Variants in ZNF148 observed in about 807,000 individuals in gnomAD.
ZNF148 encodes the protein zinc finger protein 148, also known as Beta-Enolase Repressor Factor-1.
In ZNF148, 7 loss-of-function variants were observed where a neutral mutation model predicts 67.7. The ratio of observed to expected loss-of-function variants is 0.10; its 90% CI spans 0.06 to 0.19. The LOEUF (loss-of-function observed/expected upper bound fraction) is 0.19. Among genes scored for constraint, ZNF148 ranks in the 10% least tolerant of loss-of-function variants. The probability of loss-of-function intolerance (pLI) is 1.00; values close to 1 mark genes in which losing one functional copy is unlikely to be tolerated. For missense variants in ZNF148, 583 were observed against 947.1 expected (o/e 0.62, Z 5.05); for synonymous variants, 333 against 330.7 (o/e 1.01, Z -0.08).
chr3:125,309,777 G>A (rs1228580525), intron 4 of ZNF148, among the ~76,000 whole-genome samples: 1 of 152,204 alleles, frequency 6.6e-6, no homozygotes, highest in African/African-American at 2.4e-5. Context: ...TGGAGAAGGC[G>A]CAGGCTACTG....
chr3:125,355,834 A>G (rs535432784), intron 1 of ZNF148, among the ~76,000 whole-genome samples: 1 of 152,328 alleles, frequency 6.6e-6, no homozygotes. Context: ...ATGTAGTAAC[A>G]ATGAGAATAA....
intron 4 of ZNF148, among the ~76,000 whole-genome samples, chr3:125,299,014 G>T (rs1939443535): frequency 2.0e-5 from 3 of 152,184 alleles, no homozygotes; most frequent in South Asian, 2.1e-4. Context: ...TTCCAGAAAG[G>T]TATCAATATT....
At chr3:125,326,659 CTA>C (rs554280532) in intron 2 of ZNF148, among the ~76,000 whole-genome samples, 1 of 145,714 alleles carries the variant, frequency 6.9e-6, no homozygotes, top group Non-Finnish European at 1.5e-5. Context: ...TGAAATGACA[CTA>C]TATATATGAG....
intron 7 of ZNF148, among the ~76,000 whole-genome samples, chr3:125,252,042 C>G (rs560831319): frequency 6.6e-6 from 1 of 152,178 alleles, no homozygotes; most frequent in African/African-American, 2.4e-5. Context: ...GTTAATGAAG[C>G]TGAATACCTT....
chr3:125,256,290 C>T (rs1032775916), intron 7 of ZNF148, among the ~76,000 whole-genome samples: 1 of 150,806 alleles, frequency 6.6e-6, no homozygotes, highest in African/African-American at 2.4e-5. Flanking sequence ...ATGGCGTGAA[C>T]CCAGGAGGTG....
chr3:125,236,052 A>G (rs1936074354), intron 7 of ZNF148, among the ~76,000 whole-genome samples: 1 of 151,826 alleles, frequency 6.6e-6, no homozygotes, highest in Non-Finnish European at 1.5e-5. Flanking sequence ...ATACATATGT[A>G]ACAAACCTGC....
chr3:125,250,087 G>T lies in ZNF148; in HGVS notation c.668-15758C>A, dbSNP rs117458999. Among the ~76,000 whole-genome samples, 112 of 152,274 alleles carry T rather than the reference G, an allele frequency of 7.4e-4. No homozygotes were observed. In the East Asian group the frequency reaches 0.02, roughly 28 times the overall value. ...AGTTGTAAGATGAGTTAGTTCTGGA[G>T]ATATATAGCATGGGACCTATAGTTA... is the stretch of plus-strand genomic sequence containing the variant. On this transcript the variant is annotated intron_variant, in intron 7 of 8. Coordinates refer to ENST00000360647, the MANE Select transcript of ZNF148 (RefSeq NM_021964.3).
At chr3:125,347,687 C>A (rs754970226) in intron 1 of ZNF148, among the ~76,000 whole-genome samples, 1 of 152,006 alleles carries the variant, frequency 6.6e-6, no homozygotes, top group Non-Finnish European at 1.5e-5. Flanking sequence ...CCTGCCTCAG[C>A]CTCCTAATTT....
rs184938787 is a variant in ZNF148 at position 125,275,766 on chromosome 3, T to A, written c.667+1960A>T. 9.1e-4 allele frequency among the ~76,000 whole-genome samples: 138 copies of A among 152,230 alleles called. 2 individuals are homozygous for A. The highest frequency in any genetic ancestry group is 2.9e-3 in the African/African-American group (121 of 41,546). On this transcript the variant is annotated intron_variant, in intron 7 of 8. Coordinates refer to ENST00000360647, the MANE Select transcript of ZNF148 (RefSeq NM_021964.3). ...TACAGGATTGTGACCAGCACTTTTT[T>A]AAAAAAAGAATTCATACTCACACAC...
intron 4 of ZNF148, among the ~76,000 whole-genome samples, chr3:125,303,136 T>G (rs996063206): frequency 6.6e-6 from 1 of 152,198 alleles, no homozygotes; most frequent in South Asian, 2.1e-4. Context: ...TAGGATTCCA[T>G]TGATACAACA....
At chr3:125,361,209 T>C (rs139771562) in intron 1 of ZNF148, among the ~76,000 whole-genome samples, 1 of 152,176 alleles carries the variant, frequency 6.6e-6, no homozygotes, top group African/African-American at 2.4e-5. Context: ...ACTAGCTATA[T>C]CATTCTCCTA....
At chr3:125,342,385 A>T (rs961611624) in intron 1 of ZNF148, among the ~76,000 whole-genome samples, 13 of 151,836 alleles carry the variant, frequency 8.6e-5, no homozygotes, top group African/African-American at 3.1e-4. Flanking sequence ...GCAGCCAGAG[A>T]GAAACAACAC....
intron 5 of ZNF148, among the ~76,000 whole-genome samples, chr3:125,287,319 A>T (rs774509857): frequency 2.6e-5 from 4 of 152,184 alleles, no homozygotes; most frequent in Non-Finnish European, 5.9e-5. Flanking sequence ...AAAATGCTGT[A>T]TACATTCAGC....
chr3:125,289,713 G>A (rs1301611187), intron 4 of ZNF148, among the ~76,000 whole-genome samples: 1 of 152,116 alleles, frequency 6.6e-6, no homozygotes, highest in African/African-American at 2.4e-5. Flanking sequence ...AAACATTTCT[G>A]TCAGCGTGTA....
intron 3 of ZNF148, among the ~76,000 whole-genome samples, chr3:125,322,849 T>C (rs1178571805): frequency 6.6e-6 from 1 of 152,208 alleles, no homozygotes; most frequent in Non-Finnish European, 1.5e-5. Flanking sequence ...CAGGCATACA[T>C]ACAACATGTA....
At chr3:125,342,385 AG>A (rs1941766712) in intron 1 of ZNF148, among the ~76,000 whole-genome samples, 3 of 151,836 alleles carry the variant, frequency 2.0e-5, no homozygotes, top group African/African-American at 2.4e-5. Flanking sequence ...GCAGCCAGAG[AG>A]AAACAACACA....
chr3:125,243,694 G>GA (rs1936467034), intron 7 of ZNF148, among the ~76,000 whole-genome samples: 2 of 151,804 alleles, frequency 1.3e-5, no homozygotes, highest in Non-Finnish European at 2.9e-5. Context: ...AGCTAATTAA[G>GA]AAAATTTTTT....
chr3:125,267,062 A>G (rs1358905588), intron 7 of ZNF148, among the ~76,000 whole-genome samples: 1 of 146,484 alleles, frequency 6.8e-6, no homozygotes, highest in African/African-American at 2.5e-5. Context: ...TAAAAAACAC[A>G]CCAACCAGGA....
intron 7 of ZNF148, among the ~76,000 whole-genome samples, chr3:125,240,248 C>T (rs1331649522): frequency 1.3e-5 from 2 of 152,140 alleles, no homozygotes; most frequent in Non-Finnish European, 2.9e-5. Flanking sequence ...CATCTCAGCA[C>T]TTTGGGAGGA....
Sources: allele counts gnomAD v4.1 joint callset (sites outside exome capture counted in the v4.1 genomes callset), GRCh38; gene constraint gnomAD v4.1.1; transcripts MANE v1.5; gene names NCBI Gene and HGNC (gene_info 2026-07-23, HGNC 2026-07-21).